Variants in COG5 observed in about 807,000 individuals in gnomAD.
The protein encoded by COG5 is conserved oligomeric Golgi complex subunit 5.
COG5 carries 86 observed loss-of-function variants against 110.4 expected under a neutral mutation model. The observed-to-expected ratio is 0.78, with a 90% CI of 0.65 to 0.93. The LOEUF (loss-of-function observed/expected upper bound fraction) is 0.93. Among genes scored for constraint, COG5 ranks in the 40% least tolerant of loss-of-function variants. COG5 has a pLI of 0.00. For missense variants in COG5, 1,077 were observed against 987.0 expected, an observed-to-expected ratio of 1.09 and a Z score of -1.22; for synonymous variants, 360 against 334.6, an observed-to-expected ratio of 1.08 and a Z score of -0.83.
intron 7 of COG5, among the ~76,000 whole-genome samples, chr7:107,405,040 G>A (rs1331649435): frequency 6.6e-6 from 1 of 151,892 alleles, no homozygotes; most frequent in Admixed American, 6.6e-5. Context: ...TTCACAAATT[G>A]TCAAATAATT....
chr7:107,526,067 G>C (rs1234928868), intron 6 of COG5, among the ~76,000 whole-genome samples: 2 of 152,158 alleles, frequency 1.3e-5, no homozygotes, highest in Non-Finnish European at 2.9e-5. Context: ...TTACAGCATA[G>C]CATGACTATA....
At chr7:107,365,596 CAAAA>C (rs71134263) in intron 8 of COG5, among the ~76,000 whole-genome samples, 22 of 36,698 alleles carry the variant, frequency 6.0e-4, no homozygotes, top group African/African-American at 1.5e-3. Context: ...TGCAAAATGA[CAAAA>C]AAAAAAAAAA....
At chr7:107,498,731 A>G (rs899269979) in intron 6 of COG5, among the ~76,000 whole-genome samples, 7 of 152,294 alleles carry the variant, frequency 4.6e-5, no homozygotes, top group Non-Finnish European at 5.9e-5. Flanking sequence ...AGAAAATAGT[A>G]TGGTGATTCC....
chr7:107,304,295 C>T (rs1055846388), intron 11 of COG5, among the ~76,000 whole-genome samples: 1 of 152,106 alleles, frequency 6.6e-6, no homozygotes, highest in African/African-American at 2.4e-5. Flanking sequence ...TTCTCTATTC[C>T]AGTACCTTCT....
At chr7:107,262,343 G>A (rs1353062625) in intron 14 of COG5, among the ~76,000 whole-genome samples, 1 of 152,072 alleles carries the variant, frequency 6.6e-6, no homozygotes, top group Non-Finnish European at 1.5e-5. Context: ...ATCAATTTCA[G>A]CAGTGAGTGA....
chr7:107,508,051 C>T (rs1388709989), intron 6 of COG5, among the ~76,000 whole-genome samples: 3 of 152,224 alleles, frequency 2.0e-5, no homozygotes, highest in Non-Finnish European at 2.9e-5. Flanking sequence ...GGGTGCAACG[C>T]ACCATGCACG....
intron 8 of COG5, among the ~76,000 whole-genome samples, chr7:107,363,345 T>C (rs1057312089): frequency 1.3e-5 from 2 of 152,204 alleles, no homozygotes; most frequent in Non-Finnish European, 1.5e-5. Flanking sequence ...AGCAATAAAG[T>C]ATTTGAAGAC....
intron 6 of COG5, among the ~76,000 whole-genome samples, chr7:107,465,831 TA>T (rs1421877865): frequency 6.6e-6 from 1 of 152,140 alleles, no homozygotes; most frequent in African/African-American, 2.4e-5. Context: ...GCAGCCTTCT[TA>T]CAAAAATGTT....
intron 10 of COG5, among the ~76,000 whole-genome samples, chr7:107,348,286 T>TAACC (rs2129039835): frequency 6.6e-6 from 1 of 152,174 alleles, no homozygotes; most frequent in East Asian, 2.0e-4. Context: ...TCCTTTCTTG[T>TAACC]AACCCTAAAC....
chr7:107,245,396 T>C (rs1173488279), intron 17 of COG5, among the ~76,000 whole-genome samples: 1 of 152,204 alleles, frequency 6.6e-6, no homozygotes, highest in African/African-American at 2.4e-5. Context: ...ATAAAGAGCA[T>C]CTAAATAGGA....
At chr7:107,523,202 T>G (rs1800460026) in intron 6 of COG5, among the ~76,000 whole-genome samples, 1 of 152,182 alleles carries the variant, frequency 6.6e-6, no homozygotes, top group East Asian at 1.9e-4. Flanking sequence ...TATTTTGTAG[T>G]TTTCAGTGTA....
At chr7:107,289,945 T>C (rs1806025765) in intron 12 of COG5, among the ~76,000 whole-genome samples, 1 of 152,204 alleles carries the variant, frequency 6.6e-6, no homozygotes, top group African/African-American at 2.4e-5. Context: ...GCCTTTCCTT[T>C]GTTCCCAAAC....
chr7:107,315,158 CTTT>C (rs3839821), intron 11 of COG5, among the ~76,000 whole-genome samples: 241 of 144,650 alleles, frequency 1.7e-3, no homozygotes, highest in African/African-American at 5.7e-3. Context: ...CTATTCTAAT[CTTT>C]TTTTTTTTTT....
intron 6 of COG5, among the ~76,000 whole-genome samples, chr7:107,473,753 T>TAAGCTTGAAATACTCA (rs1336990072): frequency 6.6e-6 from 1 of 151,982 alleles, no homozygotes; most frequent in African/African-American, 2.4e-5. Context: ...TCTCAAATAA[T>TAAGCTTGAAATACTCA]AAGCTTGAAA....
chr7:107,303,783 A>G (rs1807479795), intron 11 of COG5, among the ~76,000 whole-genome samples: 1 of 152,128 alleles, frequency 6.6e-6, no homozygotes, highest in South Asian at 2.1e-4. Context: ...GTAGTTATAA[A>G]GTGTTCATAT....
At chr7:107,331,854 T>C (rs1455364389) in intron 10 of COG5, among the ~76,000 whole-genome samples, 4 of 150,876 alleles carry the variant, frequency 2.7e-5, no homozygotes, top group African/African-American at 9.8e-5. Flanking sequence ...TTTTTTTTTT[T>C]TTTTTGAGAT....
At chr7:107,307,652 C>T (rs1807844834) in intron 11 of COG5, among the ~76,000 whole-genome samples, 1 of 152,028 alleles carries the variant, frequency 6.6e-6, no homozygotes, top group Non-Finnish European at 1.5e-5. Context: ...AGTGTAGTAA[C>T]TCAGGAATGG....
In COG5 at chr7:107,554,398, A is replaced by G; in HGVS notation, c.235-56T>C. On this transcript the variant is annotated intron_variant, in intron 2 of 21. Coordinates refer to ENST00000297135, the MANE Select transcript of COG5 (RefSeq NM_006348.5). ...GCTCTGTTAGGTATTCTTCCTTGTA[A>G]CCACAATGTAGAATGGACAGTCTCT... 2.1e-6 allele frequency: 3 copies of G among 1,438,546 alleles called. No individual in the cohort carries two copies. In the East Asian group the frequency reaches 6.8e-5, roughly 33 times the overall value. The allele number at this position is 1,438,546 out of a possible 1,614,324, so 89.1% of individuals were successfully genotyped here. A position where few individuals can be genotyped will look rare whatever the true frequency, so the allele number is the denominator to read the frequency against.
intron 6 of COG5, among the ~76,000 whole-genome samples, chr7:107,496,454 T>C (rs1291054700): frequency 6.6e-6 from 1 of 151,966 alleles, no homozygotes; most frequent in Non-Finnish European, 1.5e-5. Flanking sequence ...AGGTCAGCAG[T>C]TGGAGACCAG....
Sources: allele counts gnomAD v4.1 joint callset (sites outside exome capture counted in the v4.1 genomes callset), GRCh38; gene constraint gnomAD v4.1.1; transcripts MANE v1.5; gene names NCBI Gene and HGNC (gene_info 2026-07-23, HGNC 2026-07-21).